The following TET3 variants were observed in gnomAD, a reference collection of about 807,000 sequenced individuals.
TET3 encodes tet methylcytosine dioxygenase 3, also known as methylcytosine dioxygenase TET3.
TET3 carries 19 observed loss-of-function variants against 141.4 expected under a neutral mutation model. The observed-to-expected ratio is 0.13, with a 90% confidence interval of 0.09 to 0.20. The LOEUF (loss-of-function observed/expected upper bound fraction) is 0.20. Among genes scored for constraint, TET3 ranks in the 10% least tolerant of loss-of-function variants. The pLI is 1.00. For synonymous variants in TET3, 1,043 were observed against 980.9 expected (o/e 1.06, Z -1.18); for missense variants, 1,874 against 2,356.9 (o/e 0.80, Z 4.24).
intron 2 of TET3, among the ~76,000 whole-genome samples, chr2:73,992,301 T>TTTTTTTTTTCTTTTTTTTC (rs1558691764): frequency 1.4e-4 from 20 of 145,496 alleles, no homozygotes; most frequent in African/African-American, 5.4e-4. Flanking sequence ...TCTTTTTTTC[T>TTTTTTTTTTCTTTTTTTTC]TTTCTTTTTT....
At chr2:74,042,664 G>A (rs1411140205) in intron 3 of TET3, among the ~76,000 whole-genome samples, 2 of 152,206 alleles carry the variant, frequency 1.3e-5, no homozygotes, top group Non-Finnish European at 2.9e-5. Context: ...GTAGGTTAAT[G>A]GCCTTCTGTG....
At chr2:74,068,075 G>GT (rs1689005523) in intron 4 of TET3, among the ~76,000 whole-genome samples, 1 of 152,206 alleles carries the variant, frequency 6.6e-6, no homozygotes, top group Admixed American at 6.5e-5. Context: ...ACCCAGGACA[G>GT]TAGGGAGGGG....
intron 3 of TET3, among the ~76,000 whole-genome samples, chr2:74,007,930 G>C (rs147844173): frequency 5.6e-4 from 86 of 152,344 alleles, no homozygotes; most frequent in African/African-American, 1.8e-3. Context: ...AAAGTGGTCT[G>C]TGAGCCATTC....
intron 10 of TET3, among the ~76,000 whole-genome samples, chr2:74,096,609 A>C (rs1240753500): frequency 1.3e-5 from 2 of 151,786 alleles, no homozygotes; most frequent in Non-Finnish European, 2.9e-5. Context: ...TCTTCTAAAA[A>C]TACAAAAAGT....
chr2:74,011,951 TTTTG>T (rs945670296), intron 3 of TET3, among the ~76,000 whole-genome samples: 11 of 152,132 alleles, frequency 7.2e-5, no homozygotes, highest in African/African-American at 2.2e-4. Flanking sequence ...TTAGTCATTT[TTTTG>T]TTTGTTTGTT....
At chr2:74,033,471 T>G (rs1241888388) in intron 3 of TET3, among the ~76,000 whole-genome samples, 1 of 152,270 alleles carries the variant, frequency 6.6e-6, no homozygotes, top group Non-Finnish European at 1.5e-5. Flanking sequence ...CTTTTTCATT[T>G]AATACATTTA....
At chr2:74,099,017 T>G (rs1691008876) in intron 10 of TET3, among the ~76,000 whole-genome samples, 2 of 152,210 alleles carry the variant, frequency 1.3e-5, no homozygotes, top group African/African-American at 4.8e-5. Context: ...TTGCCAGGTA[T>G]CTCATCTCCT....
At chr2:74,060,111 C>A (rs1479380110) in intron 4 of TET3, among the ~76,000 whole-genome samples, 1 of 152,144 alleles carries the variant, frequency 6.6e-6, no homozygotes, top group African/African-American at 2.4e-5. Context: ...GTGGTTGTTA[C>A]AGTTTAAGCT....
chr2:74,022,601 G>C (rs1472242877), intron 3 of TET3, among the ~76,000 whole-genome samples: 1 of 151,446 alleles, frequency 6.6e-6, no homozygotes, highest in African/African-American at 2.4e-5. Flanking sequence ...GTGCCAGACA[G>C]AACACAGAAC....
intron 5 of TET3, among the ~76,000 whole-genome samples, chr2:74,076,867 C>G (rs2103967246): frequency 6.6e-6 from 1 of 152,312 alleles, no homozygotes; most frequent in Middle Eastern, 3.4e-3. Flanking sequence ...TCAGGGAAAC[C>G]TGGTTCTCTT....
intron 5 of TET3, 75 bp from the exon 6 acceptor site, chr2:74,080,423 G>A: frequency 7.7e-7 from 1 of 1,298,896 alleles, no homozygotes; most frequent in Non-Finnish European, 1.1e-6. Context: ...AGCACACTGA[G>A]GCTGTCTTCT....
At chr2:74,125,641 C>G in the TET3 span, among the ~76,000 whole-genome samples, 2 of 151,866 alleles carry the variant, frequency 1.3e-5, no homozygotes, top group African/African-American at 4.8e-5. Context: ...TGTGGAGGTA[C>G]AGAAGACTTC....
At chr2:74,129,614 G>C in the TET3 span, among the ~76,000 whole-genome samples, 3,070 of 151,194 alleles carry the variant, frequency 0.02, 111 homozygotes, top group African/African-American at 0.071. Context: ...CTGGGAGACA[G>C]AGCAAGACCC....
chr2:74,067,638 G>A (rs1688980796), intron 4 of TET3, among the ~76,000 whole-genome samples: 1 of 152,218 alleles, frequency 6.6e-6, no homozygotes, highest in African/African-American at 2.4e-5. Flanking sequence ...AAAACACCCT[G>A]AGAAAGTTCA....
At chr2:74,034,258 T>TA (rs1553420925) in intron 3 of TET3, among the ~76,000 whole-genome samples, 50 of 151,504 alleles carry the variant, frequency 3.3e-4, no homozygotes, top group African/African-American at 1.2e-3. Context: ...TTTTTTTTTT[T>TA]ATGTATTACT....
At chr2:73,995,852 A>G (rs1288657902) in intron 2 of TET3, among the ~76,000 whole-genome samples, 1 of 152,162 alleles carries the variant, frequency 6.6e-6, no homozygotes, top group South Asian at 2.1e-4. Flanking sequence ...ACCCAAGGTA[A>G]GTGGTGAGGT....
At chr2:74,109,946 G>A (rs1390479989), downstream of TET3, among the ~76,000 whole-genome samples, 1 of 152,168 alleles carries the variant, frequency 6.6e-6, no homozygotes, top group African/African-American at 2.4e-5. Context: ...TCCCAATTGT[G>A]TGATTTGATG....
the TET3 span, chr2:74,135,396 C>A: frequency 1.1e-6 from 1 of 886,706 alleles, no homozygotes. Flanking sequence ...TGAAACATTA[C>A]TAATGACCCT....
At chr2:74,118,668 T>C in the TET3 span, among the ~76,000 whole-genome samples, 1 of 152,120 alleles carries the variant, frequency 6.6e-6, no homozygotes, top group African/African-American at 2.4e-5. Context: ...TATTTGCTTT[T>C]CTCTCTGAAT....
Sources: allele counts gnomAD v4.1 joint callset (sites outside exome capture counted in the v4.1 genomes callset), GRCh38; gene constraint gnomAD v4.1.1; transcripts MANE v1.5; gene names NCBI Gene and HGNC (gene_info 2026-07-23, HGNC 2026-07-21).